Variants in ADGRL3 observed in about 807,000 individuals in gnomAD.
The protein encoded by ADGRL3 is calcium-independent alpha-latrotoxin receptor 3.
Under a neutral mutation model 153.5 loss-of-function variants are expected in ADGRL3, and 62 were observed. That is an observed-to-expected ratio of 0.40 (90% CI 0.33 to 0.50). The LOEUF (loss-of-function observed/expected upper bound fraction) is 0.50. Ranked by LOEUF, ADGRL3 falls within the 20% of genes least tolerant of loss-of-function variation. ADGRL3 has a pLI of 0.47. For missense variants in ADGRL3, 1,641 were observed against 1,859.4 expected, an observed-to-expected ratio of 0.88 and a Z score of 2.16; for synonymous variants, 710 against 672.5, an observed-to-expected ratio of 1.06 and a Z score of -0.86.
At chr4:61,985,639 G>A (rs1378577745) in intron 19 of ADGRL3, among the ~76,000 whole-genome samples, 12 of 152,090 alleles carry the variant, frequency 7.9e-5, no homozygotes, top group Admixed American at 6.6e-4. Context: ...TCATAAAAAG[G>A]GAACGACAAG....
chr4:61,998,439 T>A (rs951438296), intron 21 of ADGRL3, among the ~76,000 whole-genome samples, 174 bp downstream of exon 21: 1 of 152,158 alleles, frequency 6.6e-6, no homozygotes, highest in Non-Finnish European at 1.5e-5. Flanking sequence ...TGAAAATAAG[T>A]ATAATAGAGT....
chr4:62,003,587 C>G (rs773678350), intron 21 of ADGRL3, among the ~76,000 whole-genome samples: 5 of 152,104 alleles, frequency 3.3e-5, no homozygotes, highest in Non-Finnish European at 5.9e-5. Context: ...GTAAAGAATA[C>G]AGCATATAAT....
At position 61,672,555 on chromosome 4, in the gene ADGRL3, AAC is replaced by A. The variant is rs145543332; in HGVS notation, c.474-4269_474-4268del. On this transcript the variant is annotated intron_variant, in intron 5 of 26. Coordinates refer to ENST00000683033, the MANE Select transcript of ADGRL3 (RefSeq NM_001387552.1). ...ATTTCTTGAAAGAAGACAAATGGCC[AAC>A]AGATATATTAAAAAGTGCTCAACTT... Among the ~76,000 whole-genome samples, 93 of 152,252 alleles carry A rather than the reference AAC, an allele frequency of 6.1e-4. 3 individuals are homozygous for A. The East Asian group carries it at 0.018, about 29-fold the overall frequency.
chr4:61,643,212 T>C (rs1429921810), intron 5 of ADGRL3, among the ~76,000 whole-genome samples: 2 of 152,084 alleles, frequency 1.3e-5, no homozygotes, highest in Admixed American at 1.3e-4. Context: ...GTTTTCTAGA[T>C]ATACAATCAT....
chr4:61,695,714 G>A (rs1172714914), intron 6 of ADGRL3, among the ~76,000 whole-genome samples: 6 of 152,070 alleles, frequency 3.9e-5, no homozygotes, highest in South Asian at 2.1e-4. Context: ...ACTAGATAGC[G>A]TCTTCTTCCA....
intron 5 of ADGRL3, among the ~76,000 whole-genome samples, chr4:61,626,630 A>G (rs760847301): frequency 6.6e-6 from 1 of 152,056 alleles, no homozygotes; most frequent in East Asian, 1.9e-4. Flanking sequence ...TGTATTTTCT[A>G]TTATAACTTT....
intron 2 of ADGRL3, among the ~76,000 whole-genome samples, chr4:61,434,532 C>G (rs1483756905): frequency 7.2e-5 from 11 of 152,168 alleles, no homozygotes; most frequent in African/African-American, 2.4e-4. Context: ...TTGACCTTTT[C>G]TTTCTGTAGT....
chr4:61,428,007 C>G (rs1355711990), intron 2 of ADGRL3: 1 of 153,036 alleles, frequency 6.5e-6, no homozygotes, highest in Non-Finnish European at 1.5e-5. Flanking sequence ...AGCAGGAAGG[C>G]TGCCACAAGG....
intron 1 of ADGRL3, among the ~76,000 whole-genome samples, chr4:61,228,826 GGA>G (rs1389915627): frequency 6.6e-6 from 1 of 152,078 alleles, no homozygotes; most frequent in South Asian, 2.1e-4. Context: ...CCTAGAGCTG[GGA>G]TTACAGGAAC....
chr4:61,243,965 C>T (rs769731459), intron 1 of ADGRL3, among the ~76,000 whole-genome samples: 3 of 151,914 alleles, frequency 2.0e-5, no homozygotes, highest in Admixed American at 6.6e-5. Flanking sequence ...ATTTAAGAAA[C>T]GTTTCTATAG....
At chr4:61,219,970 T>C (rs1245618547) in intron 1 of ADGRL3, among the ~76,000 whole-genome samples, 1 of 151,804 alleles carries the variant, frequency 6.6e-6, no homozygotes, top group Non-Finnish European at 1.5e-5. Context: ...TAGGCGGGCG[T>C]GGTGGCGGGC....
chr4:61,377,637 A>G (rs528364936), intron 1 of ADGRL3, among the ~76,000 whole-genome samples: 1 of 152,192 alleles, frequency 6.6e-6, no homozygotes, highest in Admixed American at 6.5e-5. Context: ...GATTTTAAAT[A>G]ATTAGTAGTC....
At chr4:61,226,200 C>G (rs1375543181) in intron 1 of ADGRL3, among the ~76,000 whole-genome samples, 1 of 152,068 alleles carries the variant, frequency 6.6e-6, no homozygotes, top group Non-Finnish European at 1.5e-5. Context: ...TGCCTTCCAT[C>G]AGACATTAGC....
chr4:62,005,914 A>C (rs2099155697), intron 21 of ADGRL3, among the ~76,000 whole-genome samples: 1 of 147,112 alleles, frequency 6.8e-6, no homozygotes, highest in Non-Finnish European at 1.5e-5. Context: ...CAGAGTTTAC[A>C]AAATTTGCTA....
intron 6 of ADGRL3, among the ~76,000 whole-genome samples, chr4:61,726,051 T>C (rs932885845): frequency 6.6e-6 from 1 of 152,152 alleles, no homozygotes; most frequent in Non-Finnish European, 1.5e-5. Flanking sequence ...TAAGTATCCC[T>C]TATCCAAAAT....
chr4:61,672,212 T>C (rs1406304324), intron 5 of ADGRL3, among the ~76,000 whole-genome samples: 2 of 152,166 alleles, frequency 1.3e-5, no homozygotes, highest in Non-Finnish European at 1.5e-5. Context: ...CTTTAATCCA[T>C]TTGAGTTGGC....
intron 1 of ADGRL3, among the ~76,000 whole-genome samples, chr4:61,217,454 A>G (rs1414542887): frequency 6.6e-6 from 1 of 152,222 alleles, no homozygotes; most frequent in African/African-American, 2.4e-5. Context: ...AGAGCTGAGT[A>G]CAGAGAGGAA....
rs557203966 is a variant in ADGRL3, at chr4:61,795,758, C to T, written c.1400-18051C>T. On this transcript the variant is annotated intron_variant, in intron 8 of 26. Coordinates refer to ENST00000683033, the MANE Select transcript of ADGRL3 (RefSeq NM_001387552.1). ...AAATAAAATGAGAGATTTTTTATTC[C>T]GCTTCCCCAAGCAGATTATGCATCA... 3.9e-5 allele frequency among the ~76,000 whole-genome samples: 6 copies of T among 152,074 alleles called. No homozygotes were observed. In the East Asian group the frequency reaches 7.7e-4, roughly 20 times the overall value.
intron 2 of ADGRL3, among the ~76,000 whole-genome samples, chr4:61,474,889 T>C (rs935387297): frequency 2.4e-4 from 36 of 152,156 alleles, no homozygotes; most frequent in African/African-American, 8.0e-4. Context: ...CACAAGATTT[T>C]GAAGTTGCCG....
Sources: gnomAD v4.1 joint callset for allele counts (sites outside exome capture counted in the v4.1 genomes callset) on GRCh38, gnomAD v4.1.1 for gene constraint, MANE v1.5 for transcripts, NCBI Gene and HGNC (gene_info 2026-07-23, HGNC 2026-07-21) for gene names.